METAP2: variants seen among roughly 807,000 people sequenced by gnomAD.
The protein encoded by METAP2 is methionine aminopeptidase 2.
Under a neutral mutation model 59.4 loss-of-function variants are expected in METAP2, and 25 were observed. The observed-to-expected ratio is 0.42, with a 90% confidence interval of 0.31 to 0.59. The LOEUF (loss-of-function observed/expected upper bound fraction) is 0.59, where lower values mean the gene tolerates loss of function less well. Among genes scored for constraint, METAP2 ranks in the 20% least tolerant of loss-of-function variants. The pLI is 0.16. For missense variants in METAP2, 366 were observed against 581.2 expected, an observed-to-expected ratio of 0.63 and a Z score of 3.81; for synonymous variants, 214 against 194.1, an observed-to-expected ratio of 1.10 and a Z score of -0.85.
At chr12:95,497,088 G>T (rs2076281070) in intron 7 of METAP2, among the ~76,000 whole-genome samples, 1 of 152,028 alleles carries the variant, frequency 6.6e-6, no homozygotes, top group African/African-American at 2.4e-5. Context: ...GCCTCCCAAA[G>T]TGCTGGGATT....
In METAP2 at chr12:95,514,149, G is replaced by T; in HGVS notation, c.*245G>T. 4.1e-6 allele frequency: 2 copies of T among 482,694 alleles called. No homozygotes were observed. Among genetic ancestry groups the T allele is most frequent in the South Asian group, 3.9e-5 (1 of 25,440 alleles). The allele number at this position is 482,694 out of a possible 1,614,324, so 29.9% of individuals were successfully genotyped here. Reference sequence around the variant, plus strand: ...TTCCTGTCTAGGAAAATGCTATAAAGCTCAAATTAGTTAGGAATGACTTAT... The same window carrying T: ...TTCCTGTCTAGGAAAATGCTATAAATCTCAAATTAGTTAGGAATGACTTAT... On this transcript the variant is annotated 3_prime_UTR_variant, in exon 11 of 11. Transcript: ENST00000323666.
intron 8 of METAP2, among the ~76,000 whole-genome samples, chr12:95,505,286 G>GT (rs1336897299): frequency 3.9e-5 from 6 of 152,282 alleles, no homozygotes; most frequent in African/African-American, 1.4e-4. Flanking sequence ...TACCACCAAC[G>GT]TAACAGTCCT....
At position 95,495,250 on chromosome 12, in the gene METAP2, A is replaced by G; in HGVS notation, c.772+112A>G. ...TCCCAAATTTTGTTCTTGCTTCCTCATTTCATTAGGAAAGGTGTGTTGAGG... is the reference window on the plus strand; with the variant it reads ...TCCCAAATTTTGTTCTTGCTTCCTCGTTTCATTAGGAAAGGTGTGTTGAGG... On this transcript the variant is annotated intron_variant, in intron 6 of 10. Coordinates refer to ENST00000323666, the MANE Select transcript of METAP2 (RefSeq NM_006838.4). The G allele has an allele frequency of 2.3e-6, 2 of 884,908 alleles. 1 individual carries two copies. The highest frequency in any genetic ancestry group is 4.3e-5 in the South Asian group (2 of 46,342). The allele number at this position is 884,908 out of a possible 1,614,324, so 54.8% of individuals were successfully genotyped here.
At chr12:95,501,532 T>A (rs2076315691) in intron 7 of METAP2, among the ~76,000 whole-genome samples, 1 of 152,090 alleles carries the variant, frequency 6.6e-6, no homozygotes, top group Non-Finnish European at 1.5e-5. Context: ...CTGGCCAACG[T>A]GGTGAAACCC....
chr12:95,515,043 AAAT>A lies in METAP2; in HGVS notation c.*1143_*1145del, dbSNP rs2076436767. 6.6e-6 allele frequency: 1 copy of A among 152,656 alleles called. No homozygotes were observed. The highest frequency in any genetic ancestry group is 2.4e-5 in the African/African-American group (1 of 41,456). 9.5% of individuals were successfully genotyped at this position (152,656 alleles called of 1,614,324 possible). On this transcript the variant is annotated 3_prime_UTR_variant, in exon 11 of 11. Coordinates refer to ENST00000323666, the MANE Select transcript of METAP2 (RefSeq NM_006838.4). ...TTTGACAAATTGAATTCTTATATTT[AAAT>A]AATTTTATGGGAATGTTCCATCATA...
chr12:95,483,998 C>G (rs2076178018), intron 3 of METAP2, among the ~76,000 whole-genome samples: 2 of 152,048 alleles, frequency 1.3e-5, no homozygotes, highest in Non-Finnish European at 2.9e-5. Context: ...GTAAGTGCCA[C>G]AACCAAACAT....
intron 7 of METAP2, among the ~76,000 whole-genome samples, chr12:95,499,556 C>T (rs1300019205): frequency 5.4e-5 from 8 of 147,440 alleles, no homozygotes; most frequent in African/African-American, 2.0e-4. Flanking sequence ...CTTGGGATTC[C>T]ATACGAATTT....
chr12:95,507,541 A>G (rs568085892), intron 8 of METAP2, among the ~76,000 whole-genome samples: 1 of 152,394 alleles, frequency 6.6e-6, no homozygotes, highest in Non-Finnish European at 1.5e-5. Flanking sequence ...TCTTCAAGGA[A>G]GAAATATTCT....
chr12:95,500,008 G>T (rs777839308), intron 7 of METAP2, among the ~76,000 whole-genome samples: 1 of 152,194 alleles, frequency 6.6e-6, no homozygotes. Flanking sequence ...ATTACAATTC[G>T]AGAGGAGATT....
chr12:95,513,943 G>A lies in METAP2; in HGVS notation c.*39G>A. ...CCACCTCAACACCTTTATTTTCTGA[G>A]CTTTGTTGGAAAACATGATACCAGA... On this transcript the variant is annotated 3_prime_UTR_variant, in exon 11 of 11. Coordinates refer to ENST00000323666, the MANE Select transcript of METAP2 (RefSeq NM_006838.4). 1 of 1,567,756 alleles carries A rather than the reference G, an allele frequency of 6.4e-7. No individual in the cohort carries two copies. Among genetic ancestry groups the A allele is most frequent in the Non-Finnish European group, 8.6e-7 (1 of 1,156,690 alleles).
chr12:95,474,161 T>A lies in METAP2; in HGVS notation c.-19T>A, dbSNP rs202013292. ...GCCCTCGCCGCTCTGTCTCATTCCC[T>A]CGCGCTCTCTCGGGCAACATGGCGG... On this transcript the variant is annotated 5_prime_UTR_variant, in exon 1 of 11. Coordinates refer to ENST00000323666, the MANE Select transcript of METAP2 (RefSeq NM_006838.4). 2 of 1,612,716 alleles carry A rather than the reference T, an allele frequency of 1.2e-6. No individual in the cohort carries two copies. Among genetic ancestry groups the A allele is most frequent in the Non-Finnish European group, 1.7e-6 (2 of 1,179,444 alleles).
chr12:95,494,181 G>A lies in METAP2; in HGVS notation c.554G>A (p.Ser185Asn). Residue 185 changes from serine to asparagine, a missense_variant, in exon 5 of 11, where the codon AGC (serine) becomes AAC (asparagine). Physicochemically the swap from Ser to Asn is conservative, Grantham distance 46. Around this residue, in one of 4 missense-constraint regions of METAP2, gnomAD observed 106 missense variants for 221.9 expected, o/e 0.48. Coordinates refer to ENST00000323666, the MANE Select transcript of METAP2 (RefSeq NM_006838.4). ...AHRQVRKYVM[S>N]WIKPGMTMIE... The stretch of plus-strand genomic sequence containing the variant: ...CGACAAGTTAGAAAATACGTAATGA[G>A]CTGGATCAAGCCTGGGATGACAATG... 1 of 1,614,042 alleles carries A rather than the reference G, an allele frequency of 6.2e-7. No homozygotes were observed. The highest frequency in any genetic ancestry group is 8.5e-7 in the Non-Finnish European group (1 of 1,179,964).
intron 7 of METAP2, among the ~76,000 whole-genome samples, chr12:95,503,545 A>C (rs1280728782): frequency 1.3e-5 from 2 of 152,150 alleles, no homozygotes; most frequent in African/African-American, 4.8e-5. Context: ...GGGGAGATGC[A>C]ACAACAGTGG....
intron 8 of METAP2, among the ~76,000 whole-genome samples, chr12:95,509,836 T>TCCCC (rs1246108706): frequency 4.8e-4 from 59 of 122,342 alleles, no homozygotes; most frequent in Non-Finnish European, 6.4e-4. Context: ...TTTTAAGACC[T>TCCCC]CCCCCCCAAC....
Position 95,513,536 on chromosome 12 carries a change from TAA to T in METAP2, c.1185-113_1185-112del, listed in dbSNP as rs2140169998. On this transcript the variant is annotated intron_variant, in intron 10 of 10. Coordinates refer to ENST00000323666, the MANE Select transcript of METAP2 (RefSeq NM_006838.4). ...CTTTTGATTGTTGAAAGAGCAACAA[TAA>T]AAGTTTTTGGACTTCAACTACTAGG... 5.1e-6 allele frequency: 6 copies of T among 1,181,552 alleles called. No homozygotes were observed. In the South Asian group the frequency reaches 9.1e-5, roughly 18 times the overall value. The allele number at this position is 1,181,552 out of a possible 1,614,324, so 73.2% of individuals were successfully genotyped here.
intron 8 of METAP2, among the ~76,000 whole-genome samples, chr12:95,509,878 G>A (rs1199733043): frequency 1.6e-5 from 2 of 127,290 alleles, no homozygotes; most frequent in Non-Finnish European, 3.2e-5. Context: ...AGACTCTGTC[G>A]CCCAGACTGG....
rs2305293 is a variant in METAP2 at position 95,485,958 on chromosome 12, C to G, written c.405C>G (p.Cys135Trp). The change falls in exon 4 of 11, where the codon TGC (cysteine) becomes TGG (tryptophan). Residue 135 changes from cysteine to tryptophan, a missense_variant. Around this residue, in one of 4 missense-constraint regions of METAP2, gnomAD observed 177 missense variants for 180.3 expected, o/e 0.98. Transcript: ENST00000323666. ...PNGVFPKGQECEYPPTQDGRT... is the reference protein window; with the variant it reads ...PNGVFPKGQEWEYPPTQDGRT... ...GTGTATTTCCCAAAGGACAAGAATG[C>G]GAATACCCACCCACACAAGATGGGT... The G allele has an allele frequency of 1.3e-6, 2 of 1,585,532 alleles. No homozygotes were observed. The highest frequency in any genetic ancestry group is 8.6e-7 in the Non-Finnish European group (1 of 1,166,186).
In METAP2 at chr12:95,504,527, C is replaced by T. The variant is rs143618802; in HGVS notation, c.964+366C>T. ...TGTTTGTTTTTTAAAGACAGGGTCT[C>T]GTTCCGTCATCCAGGCTGGAGCGCA... On this transcript the variant is annotated intron_variant, in intron 8 of 10. Transcript: ENST00000323666. Among the ~76,000 whole-genome samples the T allele has an allele frequency of 2.9e-3, 436 of 152,262 alleles. 1 individual carries two copies. Among genetic ancestry groups the T allele is most frequent in the East Asian group, 9.1e-3 (47 of 5,190 alleles).
intron 4 of METAP2, among the ~76,000 whole-genome samples, chr12:95,489,241 T>C (rs2076219990): frequency 6.6e-6 from 1 of 150,946 alleles, no homozygotes; most frequent in Admixed American, 6.6e-5. Context: ...TGAAGTGGTA[T>C]TTAATACATG....
Sources: allele counts gnomAD v4.1 joint callset (sites outside exome capture counted in the v4.1 genomes callset), GRCh38; gene constraint gnomAD v4.1.1; regional missense constraint gnomAD v4.1.1; transcripts MANE v1.5; gene names NCBI Gene and HGNC (gene_info 2026-07-23, HGNC 2026-07-21).